ERBB4: variants seen among roughly 807,000 people sequenced by gnomAD.
ERBB4 encodes the protein erb-b2 receptor tyrosine kinase 4.
In ERBB4, 42 loss-of-function variants were observed where a neutral mutation model predicts 158.0. That is an observed-to-expected ratio of 0.27 (90% confidence interval 0.21 to 0.34). The LOEUF (loss-of-function observed/expected upper bound fraction) is 0.34. Ranked by LOEUF, ERBB4 falls within the 10% of genes least tolerant of loss-of-function variation. ERBB4 has a pLI of 1.00. For synonymous variants in ERBB4, 583 were observed against 558.7 expected, an observed-to-expected ratio of 1.04 and a Z score of -0.61; for missense variants, 1,333 against 1,624.1, an observed-to-expected ratio of 0.82 and a Z score of 3.08.
intron 25 of ERBB4, among the ~76,000 whole-genome samples, chr2:211,419,947 G>A (rs2063480278): frequency 1.3e-5 from 2 of 152,082 alleles, no homozygotes; most frequent in South Asian, 4.1e-4. Flanking sequence ...ATGTGATTAG[G>A]TTCAAAGGAC....
At chr2:211,447,418 A>G (rs1464097444) in intron 20 of ERBB4, among the ~76,000 whole-genome samples, 1 of 152,178 alleles carries the variant, frequency 6.6e-6, no homozygotes, top group Non-Finnish European at 1.5e-5. Context: ...TTTTGTGAAT[A>G]ATGGCACTGT....
At chr2:211,857,876 G>C (rs1182862734) in intron 3 of ERBB4, among the ~76,000 whole-genome samples, 2 of 152,208 alleles carry the variant, frequency 1.3e-5, no homozygotes, top group African/African-American at 2.4e-5. Flanking sequence ...ATTTATTATA[G>C]TAAGAGTGAA....
At chr2:211,681,786 A>T (rs529557440) in intron 12 of ERBB4, among the ~76,000 whole-genome samples, 1 of 151,954 alleles carries the variant, frequency 6.6e-6, no homozygotes, top group African/African-American at 2.4e-5. Context: ...ATGTCTTTCC[A>T]TTCTTTTAAT....
At chr2:212,315,670 G>GT (rs113814543) in intron 1 of ERBB4, among the ~76,000 whole-genome samples, 26,666 of 151,282 alleles carry the variant, frequency 0.18, 2,492 homozygotes, top group South Asian at 0.27. Flanking sequence ...AGTTGCTTTG[G>GT]TTTTTTACAT....
chr2:211,833,228 T>C (rs1368443424), intron 3 of ERBB4, among the ~76,000 whole-genome samples: 2 of 152,102 alleles, frequency 1.3e-5, no homozygotes, highest in Non-Finnish European at 1.5e-5. Flanking sequence ...GAGCTGATGA[T>C]TGCACATAAG....
chr2:211,679,400 T>A (rs2072244968), intron 12 of ERBB4, among the ~76,000 whole-genome samples: 1 of 152,204 alleles, frequency 6.6e-6, no homozygotes, highest in Non-Finnish European at 1.5e-5. Context: ...CTTGCATTTT[T>A]CATAAGGTTA....
chr2:212,021,441 G>T (rs780234465), intron 2 of ERBB4, among the ~76,000 whole-genome samples: 1 of 152,046 alleles, frequency 6.6e-6, no homozygotes, highest in Non-Finnish European at 1.5e-5. Flanking sequence ...TCTGACCTTC[G>T]ACAAACCTGA....
chr2:212,009,752 A>G (rs2125302830), intron 2 of ERBB4, among the ~76,000 whole-genome samples: 1 of 152,272 alleles, frequency 6.6e-6, no homozygotes. Context: ...TATATAAATA[A>G]AAATCAATGG....
At chr2:211,483,344 T>A (rs925445032) in intron 20 of ERBB4, among the ~76,000 whole-genome samples, 2 of 151,828 alleles carry the variant, frequency 1.3e-5, no homozygotes, top group East Asian at 1.9e-4. Flanking sequence ...AATCCACAGA[T>A]CCAAGTAACA....
At chr2:212,153,934 A>G (rs74531469) in intron 1 of ERBB4, among the ~76,000 whole-genome samples, 13,935 of 152,162 alleles carry the variant, frequency 0.092, 1,211 homozygotes, top group African/African-American at 0.23. Context: ...TCATAGCAAG[A>G]GGTTAAGTAC....
chr2:211,794,911 T>C (rs959951229), intron 3 of ERBB4, among the ~76,000 whole-genome samples: 1 of 151,888 alleles, frequency 6.6e-6, no homozygotes, highest in Non-Finnish European at 1.5e-5. Flanking sequence ...GCTGTAAAAG[T>C]CACATAGACT....
intron 2 of ERBB4, among the ~76,000 whole-genome samples, chr2:211,993,015 C>G (rs1328085690): frequency 2.0e-5 from 3 of 152,188 alleles, no homozygotes; most frequent in Non-Finnish European, 4.4e-5. Flanking sequence ...GTGAGTAAAT[C>G]TGATAGCCCA....
intron 1 of ERBB4, among the ~76,000 whole-genome samples, chr2:212,192,041 TATA>T (rs1559707629): frequency 1.5e-4 from 13 of 87,884 alleles, no homozygotes; most frequent in East Asian, 1.2e-3. Context: ...TTATATGTTA[TATA>T]TATGTTATAT....
chr2:211,599,383 C>G (rs1194733974), intron 19 of ERBB4, among the ~76,000 whole-genome samples: 2 of 152,090 alleles, frequency 1.3e-5, no homozygotes, highest in Admixed American at 6.5e-5. Context: ...GCTTTGGGCT[C>G]TTTTTACTTC....
intron 3 of ERBB4, among the ~76,000 whole-genome samples, chr2:211,870,278 A>T (rs572698067): frequency 1.3e-5 from 2 of 152,326 alleles, no homozygotes; most frequent in African/African-American, 4.8e-5. Context: ...GTGGCCATAA[A>T]AAAAGTACAA....
At chr2:212,290,619 A>G (rs1474658507) in intron 1 of ERBB4, among the ~76,000 whole-genome samples, 1 of 152,126 alleles carries the variant, frequency 6.6e-6, no homozygotes, top group African/African-American at 2.4e-5. Context: ...CAACAGGCCA[A>G]TAATCGCTAA....
intron 1 of ERBB4, among the ~76,000 whole-genome samples, chr2:212,212,028 T>C (rs555301705): frequency 6.6e-6 from 1 of 152,224 alleles, no homozygotes; most frequent in African/African-American, 2.4e-5. Context: ...AACATACATG[T>C]GCATGTGTCT....
chr2:212,189,059 T>A (rs1305828599), intron 1 of ERBB4, among the ~76,000 whole-genome samples: 3 of 134,732 alleles, frequency 2.2e-5, no homozygotes, highest in Non-Finnish European at 4.7e-5. Flanking sequence ...ACTGGAAGTA[T>A]TTCAGATTTC....
intron 1 of ERBB4, among the ~76,000 whole-genome samples, chr2:212,427,232 A>C (rs761783740): frequency 6.6e-6 from 1 of 152,176 alleles, no homozygotes; most frequent in Admixed American, 6.6e-5. Context: ...AAATAGAAGA[A>C]AGCAGTTAAT....
Sources: allele counts gnomAD v4.1 joint callset (sites outside exome capture counted in the v4.1 genomes callset), GRCh38; gene constraint gnomAD v4.1.1; transcripts MANE v1.5; gene names NCBI Gene and HGNC (gene_info 2026-07-23, HGNC 2026-07-21).